CADM2: variants seen among roughly 807,000 people sequenced by gnomAD.
The protein encoded by CADM2 is cell adhesion molecule 2, also known as immunoglobulin superfamily member 4D.
A neutral mutation model predicts 49.8 loss-of-function variants in CADM2; 12 were observed. The observed-to-expected ratio is 0.24, with a 90% confidence interval of 0.15 to 0.39. The LOEUF is 0.39. CADM2 is among the 10% of genes least tolerant of loss of function. The probability of loss-of-function intolerance (pLI) is 1.00; values close to 1 mark genes in which losing one functional copy is unlikely to be tolerated. For synonymous variants in CADM2, 214 were observed against 175.4 expected (o/e 1.22, Z -1.74); for missense variants, 378 against 492.3 (o/e 0.77, Z 2.20).
chr3:85,388,349 C>T (rs1028050048), intron 1 of CADM2, among the ~76,000 whole-genome samples: 3 of 152,098 alleles, frequency 2.0e-5, no homozygotes, highest in Admixed American at 6.6e-5. Flanking sequence ...GCCTGGGATT[C>T]GTCACAATAA....
At chr3:85,319,267 G>A (rs1474003315) in intron 1 of CADM2, among the ~76,000 whole-genome samples, 1 of 151,994 alleles carries the variant, frequency 6.6e-6, no homozygotes, top group Non-Finnish European at 1.5e-5. Context: ...ACACCAGTCC[G>A]AATGGCTATT....
At chr3:85,900,462 A>G (rs750793077) in intron 5 of CADM2, among the ~76,000 whole-genome samples, 1 of 152,200 alleles carries the variant, frequency 6.6e-6, no homozygotes, top group Non-Finnish European at 1.5e-5. Context: ...TAGTCTTGTT[A>G]TGAATTCTTA....
intron 6 of CADM2, among the ~76,000 whole-genome samples, chr3:85,923,112 C>T (rs1248927138): frequency 1.3e-5 from 2 of 151,958 alleles, no homozygotes; most frequent in South Asian, 2.1e-4. Flanking sequence ...CGTGAGCCAC[C>T]GCGCCCGGCC....
intron 1 of CADM2, among the ~76,000 whole-genome samples, chr3:85,359,478 C>G (rs1821350): frequency 0.93 from 139,282 of 150,046 alleles, 64,928 homozygotes; most frequent in Non-Finnish European, 0.97. Flanking sequence ...CTATAGCATA[C>G]TCTTTGACCA....
At chr3:85,556,602 C>T (rs1417202233) in intron 1 of CADM2, among the ~76,000 whole-genome samples, 1 of 152,072 alleles carries the variant, frequency 6.6e-6, no homozygotes, top group Non-Finnish European at 1.5e-5. Flanking sequence ...AAACTTACCT[C>T]GAAACATTTT....
intron 1 of CADM2, among the ~76,000 whole-genome samples, chr3:85,370,353 G>A (rs2033137962): frequency 6.6e-6 from 1 of 151,550 alleles, no homozygotes; most frequent in Admixed American, 6.6e-5. Flanking sequence ...CCGCGGGAGG[G>A]GGAGGTGGCA....
intron 1 of CADM2, among the ~76,000 whole-genome samples, chr3:85,233,605 A>T (rs1443608141): frequency 6.6e-6 from 1 of 152,180 alleles, no homozygotes. Flanking sequence ...TTTATAACCA[A>T]TGATGAAATA....
At chr3:85,726,844 A>C (rs2067716154) in intron 2 of CADM2, among the ~76,000 whole-genome samples, 1 of 152,086 alleles carries the variant, frequency 6.6e-6, no homozygotes. Context: ...TGCGTACCTT[A>C]GTTTCCTTGA....
At chr3:85,292,566 G>T (rs2043831484) in intron 1 of CADM2, among the ~76,000 whole-genome samples, 1 of 152,054 alleles carries the variant, frequency 6.6e-6, no homozygotes, top group East Asian at 1.9e-4. Context: ...AAATGTAAAA[G>T]AACTGAAATT....
intron 1 of CADM2, among the ~76,000 whole-genome samples, chr3:85,506,968 A>T (rs751633800): frequency 1.4e-4 from 22 of 152,176 alleles, no homozygotes; most frequent in Non-Finnish European, 2.8e-4. Flanking sequence ...GCACTATGCT[A>T]CAGAATAATT....
rs189849729 is a variant in CADM2 at position 85,342,773 on chromosome 3, A to G, written c.61+383105A>G. On this transcript the variant is annotated intron_variant, in intron 1 of 9. Transcript: ENST00000383699. ...AAGAAGAAAGAGTAGTTATGGATTTATATCATACTCAATTATACATGGAGT... is the reference window on the plus strand; with the variant it reads ...AAGAAGAAAGAGTAGTTATGGATTTGTATCATACTCAATTATACATGGAGT... Among the ~76,000 whole-genome samples the G allele has an allele frequency of 1.0e-3, 154 of 152,306 alleles. 6 individuals are homozygous for G. The East Asian group carries it at 0.029, about 29-fold the overall frequency.
chr3:85,810,337 G>A (rs998921571), intron 3 of CADM2, among the ~76,000 whole-genome samples: 1 of 150,570 alleles, frequency 6.6e-6, no homozygotes, highest in Non-Finnish European at 1.5e-5. Flanking sequence ...GTGTGGATCT[G>A]GAAGATGAAC....
At chr3:84,978,452 T>C (rs2031966672) in intron 1 of CADM2, among the ~76,000 whole-genome samples, 1 of 152,186 alleles carries the variant, frequency 6.6e-6, no homozygotes, top group Non-Finnish European at 1.5e-5. Flanking sequence ...TACTTAATAT[T>C]AGTAATGATT....
At chr3:85,152,695 C>T (rs570546344) in intron 1 of CADM2, among the ~76,000 whole-genome samples, 8 of 152,198 alleles carry the variant, frequency 5.3e-5, no homozygotes, top group South Asian at 2.1e-4. Flanking sequence ...CGGTGGCTCA[C>T]GCCTGTAATC....
At chr3:85,392,379 A>C (rs2034559153) in intron 1 of CADM2, among the ~76,000 whole-genome samples, 1 of 152,106 alleles carries the variant, frequency 6.6e-6, no homozygotes. Flanking sequence ...CTAACAGATT[A>C]TTATAATTAT....
chr3:85,536,280 C>T (rs75271596), intron 1 of CADM2, among the ~76,000 whole-genome samples: 12,385 of 151,672 alleles, frequency 0.082, 983 homozygotes, highest in African/African-American at 0.19. Context: ...ACCTGAGATT[C>T]GTTAGGAAGG....
At chr3:85,192,501 G>A (rs1270562659) in intron 1 of CADM2, among the ~76,000 whole-genome samples, 1 of 151,772 alleles carries the variant, frequency 6.6e-6, no homozygotes, top group African/African-American at 2.4e-5. Context: ...GCCATACCCG[G>A]TGAGATACCA....
chr3:85,555,743 T>C (rs2061942155), intron 1 of CADM2, among the ~76,000 whole-genome samples: 2 of 152,252 alleles, frequency 1.3e-5, no homozygotes, highest in South Asian at 4.1e-4. Flanking sequence ...TTAAATCAAT[T>C]TTCTGAAGTT....
intron 1 of CADM2, among the ~76,000 whole-genome samples, chr3:85,288,589 C>G (rs1273512943): frequency 6.6e-6 from 1 of 151,766 alleles, no homozygotes; most frequent in African/African-American, 2.4e-5. Context: ...TATTCAATTG[C>G]AGGCATATTT....
Sources: gnomAD v4.1 joint callset for allele counts (sites outside exome capture counted in the v4.1 genomes callset) on GRCh38, gnomAD v4.1.1 for gene constraint, MANE v1.5 for transcripts, NCBI Gene and HGNC (gene_info 2026-07-23, HGNC 2026-07-21) for gene names.